RPS6KA2: variants seen among roughly 807,000 people sequenced by gnomAD.
RPS6KA2 encodes the protein ribosomal protein S6 kinase A2, also known as ribosomal protein S6 kinase alpha-2.
In RPS6KA2, 42 loss-of-function variants were observed where a neutral mutation model predicts 91.8. That is an observed-to-expected ratio of 0.46 (90% CI 0.36 to 0.59). The LOEUF (loss-of-function observed/expected upper bound fraction) is 0.59. RPS6KA2 is among the 20% of genes least tolerant of loss of function. RPS6KA2 has a pLI of 0.00. For synonymous variants in RPS6KA2, 414 were observed against 393.6 expected (o/e 1.05, Z -0.61); for missense variants, 798 against 978.5 (o/e 0.82, Z 2.46).
At position 166,737,778 on chromosome 6, in the gene RPS6KA2, CT is replaced by C. The variant is rs761532780; in HGVS notation, c.123+120421del. 2.0e-5 allele frequency among the ~76,000 whole-genome samples: 3 copies of C among 152,192 alleles called. No homozygotes were observed. The highest frequency in any genetic ancestry group is 4.4e-5 in the Non-Finnish European group (3 of 68,042). ...TGCCGTACCCAAAATAGTATATTCCCTGTTTAGACGAACTCTAAATTAAACT... is the reference window on the plus strand; with the variant it reads ...TGCCGTACCCAAAATAGTATATTCCCGTTTAGACGAACTCTAAATTAAACT... On this transcript the variant is annotated intron_variant, in intron 2 of 21. Coordinates refer to the RPS6KA2 transcript ENST00000503859. The surrounding 1 kb of genome is among the most constrained non-coding windows in gnomAD (Gnocchi z 4.3).
intron 1 of RPS6KA2, among the ~76,000 whole-genome samples, chr6:166,553,202 T>G (rs1784070834): frequency 1.3e-5 from 2 of 152,320 alleles, no homozygotes; most frequent in South Asian, 4.1e-4. Context: ...CGCTGCATCT[T>G]TGACCTCCCT....
chr6:166,842,276 A>G (rs1405624501), intron 2 of RPS6KA2, among the ~76,000 whole-genome samples: 1 of 152,190 alleles, frequency 6.6e-6, no homozygotes, highest in Non-Finnish European at 1.5e-5. Context: ...GTTTGGAAAT[A>G]GGGTCATTGC....
chr6:166,620,520 T>C (rs920269139), intron 1 of RPS6KA2, among the ~76,000 whole-genome samples: 2 of 152,244 alleles, frequency 1.3e-5, no homozygotes, highest in Non-Finnish European at 2.9e-5. Context: ...TAAACCATCA[T>C]TGTATATAAA....
chr6:166,628,839 T>A (rs3814088), upstream of RPS6KA2, among the ~76,000 whole-genome samples: 102 of 152,370 alleles, frequency 6.7e-4, 1 homozygote, highest in East Asian at 0.018. Context: ...ATTTAAATAG[T>A]GCAATTGATT....
chr6:166,465,557 C>G (rs745862929), intron 11 of RPS6KA2, among the ~76,000 whole-genome samples: 2 of 152,194 alleles, frequency 1.3e-5, no homozygotes, highest in Non-Finnish European at 2.9e-5. Context: ...CATCACGGAG[C>G]GGGACTGTGC....
At chr6:166,706,353 G>GACTGGCAAGTATGT (rs959039668) in intron 2 of RPS6KA2, among the ~76,000 whole-genome samples, 1 of 152,210 alleles carries the variant, frequency 6.6e-6, no homozygotes, top group African/African-American at 2.4e-5. Flanking sequence ...AAATGTAAAT[G>GACTGGCAAGTATGT]ACTGGCAAGT....
intron 2 of RPS6KA2, among the ~76,000 whole-genome samples, chr6:166,795,793 A>C (rs1779208541): frequency 1.3e-5 from 2 of 152,178 alleles, no homozygotes; most frequent in African/African-American, 4.8e-5. Flanking sequence ...AATCAGGAAT[A>C]ATTTTCCATA....
At position 166,500,736 on chromosome 6, in the gene RPS6KA2, T is replaced by A; in HGVS notation, c.604+151A>T. 1.4e-6 allele frequency: 1 copy of A among 701,580 alleles called. No individual in the cohort carries two copies. Among genetic ancestry groups the A allele is most frequent in the East Asian group, 2.7e-5 (1 of 37,118 alleles). 43.5% of individuals were successfully genotyped at this position (701,580 alleles called of 1,614,324 possible). A position where few individuals can be genotyped will look rare whatever the true frequency, so the allele number is the denominator to read the frequency against. On this transcript the variant is annotated intron_variant, in intron 7 of 20. Coordinates refer to ENST00000265678, the MANE Select transcript of RPS6KA2 (RefSeq NM_021135.6). The surrounding 1 kb of genome is among the most constrained non-coding windows in gnomAD (Gnocchi z 4.3). ...TGAAGACATACAATGCCATAAGCAG[T>A]CTGTAGCTATAGAAAATTCTGCCAA... is the stretch of plus-strand genomic sequence containing the variant.
At chr6:166,432,616 C>G (rs9459671) in intron 14 of RPS6KA2, 126 bp from the exon 15 acceptor site, 1 of 581,348 alleles carries the variant, frequency 1.7e-6, no homozygotes, top group Admixed American at 3.0e-5. Flanking sequence ...ATCTCACACC[C>G]GACCAAGAGA....
intron 2 of RPS6KA2, among the ~76,000 whole-genome samples, chr6:166,854,702 T>TTG (rs1346191572): frequency 6.6e-6 from 1 of 152,222 alleles, no homozygotes; most frequent in Non-Finnish European, 1.5e-5. Flanking sequence ...ACAACAGATG[T>TTG]TGGCAAGGAT....
intron 2 of RPS6KA2, chr6:166,701,693 A>C: frequency 2.3e-6 from 3 of 1,322,322 alleles, no homozygotes; most frequent in Non-Finnish European, 2.2e-6. Context: ...GGCATCCCTG[A>C]AGTGGGTGGG....
chr6:166,667,781 G>T (rs201820878), intron 2 of RPS6KA2, among the ~76,000 whole-genome samples: 1 of 152,150 alleles, frequency 6.6e-6, no homozygotes, highest in East Asian at 1.9e-4. Flanking sequence ...CTACAGCTAG[G>T]CGTTTTGAAT....
At position 166,692,951 on chromosome 6, in the gene RPS6KA2, G is replaced by A. The variant is rs115483796; in HGVS notation, c.124-154167C>T. Among the ~76,000 whole-genome samples, 340 of 152,308 alleles carry A rather than the reference G, an allele frequency of 2.2e-3. 2 individuals are homozygous for A. The highest frequency in any genetic ancestry group is 7.6e-3 in the African/African-American group (314 of 41,556). On this transcript the variant is annotated intron_variant, in intron 2 of 21. Coordinates refer to the RPS6KA2 transcript ENST00000503859. ...CACATTTCAGAGAGCAAACCTCCAC[G>A]GGAGTATGTAAACATTCAGGCTAAT...
Position 166,612,915 on chromosome 6 carries a change from C to T in RPS6KA2, c.99+14006G>A, listed in dbSNP as rs546019986. Among the ~76,000 whole-genome samples the T allele has an allele frequency of 2.6e-5, 4 of 152,288 alleles. No individual in the cohort carries two copies. Among genetic ancestry groups the T allele is most frequent in the South Asian group, 2.1e-4 (1 of 4,822 alleles). The stretch of plus-strand genomic sequence containing the variant: ...CCTTCTCTTGTCTTTCTTCTTCCTG[C>T]CTCTTCTCTCCCCTCTCCTCCTGCC... On this transcript the variant is annotated intron_variant, in intron 1 of 20. Coordinates refer to ENST00000265678, the MANE Select transcript of RPS6KA2 (RefSeq NM_021135.6). The surrounding 1 kb of genome is among the most constrained non-coding windows in gnomAD (Gnocchi z 4.3).
At chr6:166,606,467 C>T (rs1042843556) in intron 1 of RPS6KA2, among the ~76,000 whole-genome samples, 5 of 151,940 alleles carry the variant, frequency 3.3e-5, no homozygotes, top group African/African-American at 9.7e-5. Flanking sequence ...CCTTTCAAAG[C>T]GACTGCAAAT....
intron 1 of RPS6KA2, among the ~76,000 whole-genome samples, chr6:166,583,486 C>A (rs1229283914): frequency 2.0e-5 from 3 of 152,206 alleles, no homozygotes; most frequent in Non-Finnish European, 4.4e-5. Context: ...AAGCATCCTG[C>A]GCACCTTCTC....
intron 2 of RPS6KA2, among the ~76,000 whole-genome samples, chr6:166,695,822 C>T (rs940958289): frequency 1.3e-5 from 2 of 151,408 alleles, no homozygotes; most frequent in Non-Finnish European, 2.9e-5. Flanking sequence ...GCACTGGATT[C>T]TCACAGGAGC....
At position 166,665,879 on chromosome 6, in the gene RPS6KA2, C is replaced by T. The variant is rs1415986284; in HGVS notation, c.124-127095G>A. 1.3e-5 allele frequency among the ~76,000 whole-genome samples: 2 copies of T among 152,162 alleles called. No homozygotes were observed. Among genetic ancestry groups the T allele is most frequent in the Non-Finnish European group, 2.9e-5 (2 of 68,026 alleles). ...AGGTGCAGCTCTGCTCAGCACGGCCCCCAGCCTGCTTCCTGGGCAGGAAAT... is the reference window on the plus strand; with the variant it reads ...AGGTGCAGCTCTGCTCAGCACGGCCTCCAGCCTGCTTCCTGGGCAGGAAAT... On this transcript the variant is annotated intron_variant, in intron 2 of 21. Transcript: ENST00000503859. This position sits in a 1 kb window ranked among gnomAD's most constrained non-coding sequence, Gnocchi z 4.5.
chr6:166,776,055 C>T (rs909638628), intron 2 of RPS6KA2, among the ~76,000 whole-genome samples: 2 of 152,158 alleles, frequency 1.3e-5, no homozygotes, highest in South Asian at 2.1e-4. Context: ...CCAGCCACAG[C>T]GGTGCTGGAG....
Sources: gnomAD v4.1 joint callset for allele counts (sites outside exome capture counted in the v4.1 genomes callset) on GRCh38, gnomAD v4.1.1 for gene constraint, Gnocchi (gnomAD v3.1) non-coding constraint, MANE v1.5 for transcripts, NCBI Gene and HGNC (gene_info 2026-07-23, HGNC 2026-07-21) for gene names.